DVL1: variants seen among roughly 807,000 people sequenced by gnomAD.
DVL1 encodes dishevelled segment polarity protein 1, also known as segment polarity protein dishevelled homolog DVL-1.
A neutral mutation model predicts 65.0 loss-of-function variants in DVL1; 49 were observed. That is an observed-to-expected ratio of 0.75 (90% CI 0.60 to 0.96). The LOEUF is 0.96. DVL1 is among the 40% of genes least tolerant of loss of function. The probability of loss-of-function intolerance (pLI) is 0.00; values close to 1 mark genes in which losing one functional copy is unlikely to be tolerated. For synonymous variants in DVL1, 608 were observed against 433.9 expected, an observed-to-expected ratio of 1.40 and a Z score of -4.99; for missense variants, 1,197 against 1,045.4, an observed-to-expected ratio of 1.15 and a Z score of -2.00.
intron 1 of DVL1, among the ~76,000 whole-genome samples, chr1:1,347,494 C>T (rs1333843239): frequency 1.3e-5 from 2 of 152,254 alleles, no homozygotes; most frequent in Non-Finnish European, 2.9e-5. Flanking sequence ...GGCTTCATCC[C>T]AGAGCATGGT....
At chr1:1,338,707 CAG>C (rs1266768893) in intron 11 of DVL1, 54 bp from the exon 12 acceptor site, 36 of 1,576,474 alleles carry the variant, frequency 2.3e-5, no homozygotes, top group Non-Finnish European at 2.8e-5. Flanking sequence ...GCGGGGGACT[CAG>C]GGCCCTGCAC....
rs538998879 is a variant in DVL1 at position 1,346,319 on chromosome 1, C to T, written c.170+2577G>A. ...CAGTCCCAGGCCTGGGTCACCCCCA[C>T]CTCGGAGATGAACTGTGGGAGCTGT... On this transcript the variant is annotated intron_variant, in intron 1 of 14. Coordinates refer to ENST00000378888, the MANE Select transcript of DVL1 (RefSeq NM_001330311.2). Among the ~76,000 whole-genome samples the T allele has an allele frequency of 6.6e-5, 10 of 152,312 alleles. No individual in the cohort carries two copies. In the East Asian group the frequency reaches 1.9e-3, roughly 29 times the overall value.
intron 11 of DVL1, 158 bp from the exon 12 acceptor site, chr1:1,338,811 C>T (rs1387858624): frequency 6.4e-6 from 5 of 782,840 alleles, no homozygotes; most frequent in Non-Finnish European, 7.7e-6. Flanking sequence ...GATGCACCCC[C>T]GTGAGGCTGG....
Position 1,336,120 on chromosome 1 carries a change from G to A in DVL1, c.*22C>T, listed in dbSNP as rs767102382. Reference sequence around the variant, plus strand: ...GACCGCCAGCTCCCCACCTCAGGCAGGGCTGGGGCATGCGCCACGAGTCAC... The same window carrying A: ...GACCGCCAGCTCCCCACCTCAGGCAAGGCTGGGGCATGCGCCACGAGTCAC... On this transcript the variant is annotated 3_prime_UTR_variant, in exon 15 of 15. Coordinates refer to ENST00000378888, the MANE Select transcript of DVL1 (RefSeq NM_001330311.2). 5.7e-6 allele frequency: 9 copies of A among 1,567,804 alleles called. No individual in the cohort carries two copies. Among genetic ancestry groups the A allele is most frequent in the Middle Eastern group, 1.7e-4 (1 of 6,006 alleles).
Position 1,340,426 on chromosome 1 carries a change from A to C in DVL1, c.683T>G (p.Leu228Arg). 6.2e-7 allele frequency: 1 copy of C among 1,612,560 alleles called. No individual in the cohort carries two copies. Among genetic ancestry groups the C allele is most frequent in the Non-Finnish European group, 8.5e-7 (1 of 1,179,510 alleles). The change falls in exon 6 of 15, where the codon CTT (leucine) becomes CGT (arginine). Residue 228 changes from leucine to arginine, a missense_variant. Coordinates refer to ENST00000378888, the MANE Select transcript of DVL1 (RefSeq NM_001330311.2). The stretch of plus-strand genomic sequence containing the variant: ...GCTGCCTACCCGGTCCGCCTGCCGA[A>C]GGCGCTGCTTCCTCCGCCGGCGTTT... ...KHKRRRRKQR[L>R]RQADRASSFS...
At chr1:1,348,795 C>A in intron 1 of DVL1, 101 bp downstream of exon 1, 1 of 1,074,904 alleles carries the variant, frequency 9.3e-7, no homozygotes, top group Non-Finnish European at 1.2e-6. Context: ...TCGCAGGTCC[C>A]CGGGGGCGCG....
rs146143161 is a variant in DVL1, at chr1:1,336,404, G to A, written c.1826C>T (p.Pro609Leu). The A allele has an allele frequency of 1.7e-5, 27 of 1,598,984 alleles. No individual in the cohort carries two copies. The East Asian group carries it at 2.9e-4, about 17-fold the overall frequency. Residue 609 changes from proline to leucine, a missense_variant, in exon 15 of 15, where the codon CCG becomes CTG. Coordinates refer to ENST00000378888, the MANE Select transcript of DVL1 (RefSeq NM_001330311.2). ...GSGSESDHTA[P>L]SGVGSSWRER... Reference sequence around the variant, plus strand: ...TCGCCAGCTGCTCCCCACCCCACTCGGTGCCGTGTGATCCGATTCACTGCC... The same window carrying A: ...TCGCCAGCTGCTCCCCACCCCACTCAGTGCCGTGTGATCCGATTCACTGCC...
In DVL1 at chr1:1,336,394, C is replaced by T. The variant is rs997739969; in HGVS notation, c.1836G>A (p.Val612=). Reference sequence around the variant, plus strand: ...CCGGACGCTCTCGCCAGCTGCTCCCCACCCCACTCGGTGCCGTGTGATCCG... The same window carrying T: ...CCGGACGCTCTCGCCAGCTGCTCCCTACCCCACTCGGTGCCGTGTGATCCG... ...SESDHTAPSG[V]GSSWRERPAG... The change falls in exon 15 of 15, where the codon GTG becomes GTA. Residue 612 remains valine (V), a synonymous_variant. Transcript: ENST00000378888. 1 of 1,599,232 alleles carries T rather than the reference C, an allele frequency of 6.3e-7. No homozygotes were observed. The highest frequency in any genetic ancestry group is 1.3e-5 in the African/African-American group (1 of 74,880).
At position 1,335,596 on chromosome 1, in the gene DVL1, C is replaced by T. The variant is rs1236298772; in HGVS notation, c.*546G>A. ...GGCAGGATGTCCAGCCCTCTCTCGTCTTCCGGTCCCGTCCTCCACGTACTT... is the reference window on the plus strand; with the variant it reads ...GGCAGGATGTCCAGCCCTCTCTCGTTTTCCGGTCCCGTCCTCCACGTACTT... On this transcript the variant is annotated 3_prime_UTR_variant, in exon 15 of 15. Transcript: ENST00000378888. 1 of 154,162 alleles carries T rather than the reference C, an allele frequency of 6.5e-6. No individual in the cohort carries two copies. Among genetic ancestry groups the T allele is most frequent in the African/African-American group, 2.4e-5 (1 of 41,468 alleles). The allele number at this position is 154,162 out of a possible 1,614,324, so 9.5% of individuals were successfully genotyped here.
chr1:1,336,257 G>A lies in DVL1; in HGVS notation c.1973C>T (p.Pro658Leu). The change falls in exon 15 of 15, where the codon CCC becomes CTC. Residue 658 changes from proline (P) to leucine (L), a missense_variant. Coordinates refer to ENST00000378888, the MANE Select transcript of DVL1 (RefSeq NM_001330311.2). ...TKAYTVVGGP[P>L]GGPPVRELAA... ...CAGCTCCCGGACAGGGGGTCCCCCGGGTGGCCCCCCCACCACTGTATAGGC... is the reference window on the plus strand; with the variant it reads ...CAGCTCCCGGACAGGGGGTCCCCCGAGTGGCCCCCCCACCACTGTATAGGC... 6.4e-7 allele frequency: 1 copy of A among 1,560,006 alleles called. No individual in the cohort carries two copies. Among genetic ancestry groups the A allele is most frequent in the Non-Finnish European group, 8.6e-7 (1 of 1,158,986 alleles).
chr1:1,336,054 C>A lies in DVL1; in HGVS notation c.*88G>T, dbSNP rs1643558831. 2.0e-6 allele frequency: 3 copies of A among 1,499,894 alleles called. No homozygotes were observed. Among genetic ancestry groups the A allele is most frequent in the Non-Finnish European group, 1.8e-6 (2 of 1,123,178 alleles). 92.9% of individuals were successfully genotyped at this position (1,499,894 alleles called of 1,614,324 possible). A position where few individuals can be genotyped will look rare whatever the true frequency, so the allele number is the denominator to read the frequency against. On this transcript the variant is annotated 3_prime_UTR_variant, in exon 15 of 15. Transcript: ENST00000378888. ...CCCCCCACCCTGCCTCCCGTCCTGG[C>A]CCCCACGAAGGCAAGCCCACGCGAG...
intron 14 of DVL1, 123 bp downstream of exon 14, chr1:1,337,854 G>A (rs755252173): frequency 3.8e-6 from 3 of 784,970 alleles, no homozygotes; most frequent in Non-Finnish European, 6.5e-6. Context: ...GCAGCAGCGG[G>A]GTGGGGTGGA....
At chr1:1,342,241 G>A in intron 3 of DVL1, 85 bp from the exon 4 acceptor site, 5 of 1,499,738 alleles carry the variant, frequency 3.3e-6, no homozygotes, top group Non-Finnish European at 4.5e-6. Context: ...TCGCCTGTGG[G>A]ACCCCAGCCC....
At chr1:1,337,921 G>A (rs758485540) in intron 14 of DVL1, 56 bp downstream of exon 14, 42 of 1,417,820 alleles carry the variant, frequency 3.0e-5, no homozygotes, top group Admixed American at 9.1e-5. Context: ...CAGCAGTGGA[G>A]TGGGGCGGAG....
Position 1,349,141 on chromosome 1 carries a change from CGCCT to C in DVL1, c.-80_-77del. On this transcript the variant is annotated 5_prime_UTR_variant, in exon 1 of 15. An upstream open reading frame in the 5' UTR loses its in-frame stop. Coordinates refer to ENST00000378888, the MANE Select transcript of DVL1 (RefSeq NM_001330311.2). The surrounding 1 kb of genome is among the most constrained non-coding windows in gnomAD (Gnocchi z 4.1). ...GGACGCGGGGCGCTACCCGCCCGCC[CGCCT>C]GCGCCCCGCCCGGCCCGCACCGCTC... The C allele has an allele frequency of 1.1e-6, 1 of 870,104 alleles. No individual in the cohort carries two copies. The highest frequency in any genetic ancestry group is 1.4e-6 in the Non-Finnish European group (1 of 726,286). The allele number at this position is 870,104 out of a possible 1,614,324, so 53.9% of individuals were successfully genotyped here. A position where few individuals can be genotyped will look rare whatever the true frequency, so the allele number is the denominator to read the frequency against.
At chr1:1,339,153 T>C in intron 11 of DVL1, 134 bp downstream of exon 11, 3 of 1,246,766 alleles carry the variant, frequency 2.4e-6, no homozygotes, top group Non-Finnish European at 3.4e-6. Context: ...CACACGTCTG[T>C]GCAGGGAGTT....
At chr1:1,340,206 A>C in intron 7 of DVL1, 29 bp from the exon 8 acceptor site, 1 of 1,613,648 alleles carries the variant, frequency 6.2e-7, no homozygotes. Context: ...GCCGCGGCCA[A>C]GCCCCTGCCC....
chr1:1,336,494 G>A lies in DVL1; in HGVS notation c.1736C>T (p.Thr579Ile). 2 of 1,529,390 alleles carry A rather than the reference G, an allele frequency of 1.3e-6. No homozygotes were observed. Among genetic ancestry groups the A allele is most frequent in the Non-Finnish European group, 1.7e-6 (2 of 1,147,770 alleles). The allele number at this position is 1,529,390 out of a possible 1,614,324, so 94.7% of individuals were successfully genotyped here. Reference sequence around the variant, plus strand: ...GCCCGGGGCCCGGCGGCTGCTCCGGGTGGACCCACTGCTTTTGCTCCCTGG... The same window carrying A: ...GCCCGGGGCCCGGCGGCTGCTCCGGATGGACCCACTGCTTTTGCTCCCTGG... ...QSEGSKSSGS[T>I]RSSRRAPGRE... The change falls in exon 15 of 15, where the codon ACC becomes ATC. Residue 579 changes from threonine (T) to isoleucine (I), a missense_variant. Transcript: ENST00000378888.
chr1:1,336,562 C>T lies in DVL1; in HGVS notation c.1715-47G>A, dbSNP rs111315662. ...GGAAGGAGCCTGTCAGCACCAGGCC[C>T]GGCCACGTCCAGAACAACCGCCCCC... On this transcript the variant is annotated intron_variant, in intron 14 of 14. Coordinates refer to ENST00000378888, the MANE Select transcript of DVL1 (RefSeq NM_001330311.2). 0.054 allele frequency: 79,255 copies of T among 1,476,344 alleles called. 3,268 individuals carry two copies. The highest frequency in any genetic ancestry group is 0.2 in the African/African-American group (13,956 of 68,832). 91.5% of individuals were successfully genotyped at this position (1,476,344 alleles called of 1,614,324 possible). A position where few individuals can be genotyped will look rare whatever the true frequency, so the allele number is the denominator to read the frequency against.
Sources: allele counts gnomAD v4.1 joint callset (sites outside exome capture counted in the v4.1 genomes callset), GRCh38; gene constraint gnomAD v4.1.1; non-coding constraint Gnocchi (gnomAD v3.1); transcripts MANE v1.5; gene names NCBI Gene and HGNC (gene_info 2026-07-23, HGNC 2026-07-21).